The following CCDC62 variants were observed in gnomAD, a reference collection of about 807,000 sequenced individuals.
CCDC62 encodes the protein coiled-coil domain-containing protein 62.
A neutral mutation model predicts 80.8 loss-of-function variants in CCDC62; 72 were observed. The ratio of observed to expected loss-of-function variants is 0.89; its 90% CI spans 0.74 to 1.08. The LOEUF (loss-of-function observed/expected upper bound fraction) is 1.08. CCDC62 is among the 50% of genes least tolerant of loss of function. The pLI, the probability that CCDC62 is intolerant of heterozygous loss-of-function variation, is 0.00. For synonymous variants in CCDC62, 286 were observed against 296.5 expected (o/e 0.96, Z 0.36); for missense variants, 704 against 809.4 (o/e 0.87, Z 1.58).
Position 122,774,653 on chromosome 12 carries a change from G to C in CCDC62, c.-18G>C, listed in dbSNP as rs1239332065. The C allele has an allele frequency of 8.0e-7, 1 of 1,248,686 alleles. No individual in the cohort carries two copies. The highest frequency in any genetic ancestry group is 1.5e-5 in the African/African-American group (1 of 64,568). The allele number at this position is 1,248,686 out of a possible 1,614,324, so 77.4% of individuals were successfully genotyped here. ...ACGCCGCCCACACCGGGCTTCTCCG[G>C]GGGCGGAGGAAACACCTATGAACCC... On this transcript the variant is annotated 5_prime_UTR_variant, in exon 1 of 13. Coordinates refer to ENST00000253079, the MANE Select transcript of CCDC62 (RefSeq NM_201435.5).
intron 2 of CCDC62, 58 bp downstream of exon 2, chr12:122,777,741 G>T: frequency 1.4e-6 from 2 of 1,473,616 alleles, no homozygotes; most frequent in Non-Finnish European, 1.9e-6. Context: ...CACATTGATG[G>T]GCTCATAGGG....
chr12:122,781,149 A>C lies in CCDC62; in HGVS notation c.230-15A>C. The C allele has an allele frequency of 6.3e-7, 1 of 1,598,486 alleles. No homozygotes were observed. Among genetic ancestry groups the C allele is most frequent in the Non-Finnish European group, 8.5e-7 (1 of 1,173,678 alleles). On this transcript the variant is annotated splice_polypyrimidine_tract_variant and intron_variant, in intron 2 of 12. Coordinates refer to ENST00000253079, the MANE Select transcript of CCDC62 (RefSeq NM_201435.5). ...CTGAAGGTGTGACTACAAATTATTG[A>C]TGAACTTCCCTCAGGTGAACTACAT...
intron 3 of CCDC62, among the ~76,000 whole-genome samples, chr12:122,782,710 A>G (rs2454698): frequency 6.6e-6 from 1 of 151,840 alleles, no homozygotes; most frequent in Admixed American, 6.6e-5. Context: ...CGCCCGCCTC[A>G]GCCTCCCAAA....
At chr12:122,800,310 A>G in intron 8 of CCDC62, among the ~76,000 whole-genome samples, 1 of 151,396 alleles carries the variant, frequency 6.6e-6, no homozygotes, top group Non-Finnish European at 1.5e-5. Flanking sequence ...GCTGGACGCC[A>G]TGGCTCACAC....
In CCDC62 at chr12:122,781,203, C is replaced by T. The variant is rs376082452; in HGVS notation, c.269C>T (p.Thr90Met). 4.6e-4 allele frequency: 738 copies of T among 1,613,880 alleles called. 12 individuals carry two copies. In the South Asian group the frequency reaches 7.4e-3, roughly 16 times the overall value. Residue 90 changes from threonine to methionine, a missense_variant, in exon 3 of 13, where the codon ACG becomes ATG. Coordinates refer to ENST00000253079, the MANE Select transcript of CCDC62 (RefSeq NM_201435.5). ...AGAACTGAAATAATCAGGTCACTCA[C>T]GAAGAAGGTAAAAGCTCTTGAATCC... ...HKRTEIIRSL[T>M]KKVKALESNQ...
intron 4 of CCDC62, 72 bp from the exon 5 acceptor site, chr12:122,788,686 A>G: frequency 1.1e-6 from 1 of 929,106 alleles, no homozygotes; most frequent in South Asian, 1.7e-5. Context: ...ATAAGATCTT[A>G]GTGTTATCTT....
intron 6 of CCDC62, among the ~76,000 whole-genome samples, chr12:122,793,742 A>G (rs2030771455): frequency 6.6e-6 from 1 of 152,136 alleles, no homozygotes; most frequent in African/African-American, 2.4e-5. Context: ...GGTGCGAGCC[A>G]CCATGCCCGA....
intron 4 of CCDC62, among the ~76,000 whole-genome samples, chr12:122,786,600 C>T (rs1362262196): frequency 6.6e-6 from 1 of 152,186 alleles, no homozygotes; most frequent in Non-Finnish European, 1.5e-5. Flanking sequence ...ATGAAATGCT[C>T]ACGCTAATAA....
intron 8 of CCDC62, among the ~76,000 whole-genome samples, chr12:122,798,419 A>G (rs1424631745): frequency 2.0e-5 from 3 of 152,042 alleles, no homozygotes; most frequent in African/African-American, 7.2e-5. Flanking sequence ...CCTGGCCAAC[A>G]TGGTGAAACC....
intron 4 of CCDC62, among the ~76,000 whole-genome samples, chr12:122,788,280 A>C (rs2030390326): frequency 6.6e-6 from 1 of 152,178 alleles, no homozygotes; most frequent in African/African-American, 2.4e-5. Flanking sequence ...ATTTGGAATG[A>C]TGTTGTTGTG....
intron 4 of CCDC62, 115 bp from the exon 5 acceptor site, chr12:122,788,643 G>A (rs1020665896): frequency 3.1e-6 from 2 of 654,084 alleles, no homozygotes; most frequent in Non-Finnish European, 5.2e-6. Flanking sequence ...GAATTCATAT[G>A]CGAAAAATGC....
At chr12:122,789,834 C>T (rs2030490859) in intron 5 of CCDC62, among the ~76,000 whole-genome samples, 3 of 152,186 alleles carry the variant, frequency 2.0e-5, no homozygotes, top group Admixed American at 1.3e-4. Flanking sequence ...CCATTTGTAG[C>T]TTCAGCTAAA....
chr12:122,781,001 C>T (rs540999747), intron 2 of CCDC62, among the ~76,000 whole-genome samples, 163 bp from the exon 3 acceptor site: 4 of 152,104 alleles, frequency 2.6e-5, no homozygotes, highest in Non-Finnish European at 5.9e-5. Context: ...AGTTCTGTTT[C>T]TTGATTAGGT....
At chr12:122,815,244 G>C (rs1593832066) in intron 11 of CCDC62, among the ~76,000 whole-genome samples, 1 of 150,858 alleles carries the variant, frequency 6.6e-6, no homozygotes, top group African/African-American at 2.4e-5. Flanking sequence ...ACACCCAGCT[G>C]ATGTTTTTAT....
Position 122,786,438 on chromosome 12 carries a change from G to A in CCDC62, c.498+618G>A, listed in dbSNP as rs547190463. Among the ~76,000 whole-genome samples, 8 of 147,616 alleles carry A rather than the reference G, an allele frequency of 5.4e-5. No individual in the cohort carries two copies. The South Asian group carries it at 6.4e-4, about 12-fold the overall frequency. On this transcript the variant is annotated intron_variant, in intron 4 of 12. Coordinates refer to ENST00000253079, the MANE Select transcript of CCDC62 (RefSeq NM_201435.5). ...GCTGGGATTACAGGCGTGAGCCACC[G>A]CGCTCAGCCAGAGGTTTTTTTAATG...
intron 3 of CCDC62, 64 bp from the exon 4 acceptor site, chr12:122,785,655 C>A: frequency 9.3e-7 from 1 of 1,069,564 alleles, no homozygotes; most frequent in Non-Finnish European, 1.4e-6. Flanking sequence ...CAGATTGTGG[C>A]TAGCAAGAGT....
rs2030418238 is a variant in CCDC62, at chr12:122,788,755, T to C, written c.499-3T>C. The C allele has an allele frequency of 6.5e-7, 1 of 1,541,086 alleles. No homozygotes were observed. ...GATAACCATTTTCAAATTTGGTTTT[T>C]AGGACAAAGATATTATTGAGGCAGT... On this transcript the variant is annotated splice_region_variant and splice_polypyrimidine_tract_variant and intron_variant, in intron 4 of 12. Transcript: ENST00000253079.
rs183965983 is a variant in CCDC62 at position 122,812,279 on chromosome 12, C to T, written c.1852-991C>T. ...CCAACATGGTGAAACCCTGTCTCTA[C>T]TAAAAATACAAAATTAGCCAGGTGT... is the stretch of plus-strand genomic sequence containing the variant. On this transcript the variant is annotated intron_variant, in intron 10 of 12. Transcript: ENST00000253079. 3.4e-3 allele frequency among the ~76,000 whole-genome samples: 514 copies of T among 151,796 alleles called. 5 individuals are homozygous for T. The highest frequency in any genetic ancestry group is 0.012 in the African/African-American group (481 of 41,382).
At chr12:122,792,232 CT>C in intron 6 of CCDC62, 111 bp downstream of exon 6, 2 of 501,478 alleles carry the variant, frequency 4.0e-6, no homozygotes, top group Non-Finnish European at 7.2e-6. Flanking sequence ...GAGACAGGGT[CT>C]TTTTTGAGAC....
Sources: gnomAD v4.1 joint callset for allele counts (sites outside exome capture counted in the v4.1 genomes callset) on GRCh38, gnomAD v4.1.1 for gene constraint, MANE v1.5 for transcripts, NCBI Gene and HGNC (gene_info 2026-07-23, HGNC 2026-07-21) for gene names.